The following PRUNE2 variants were observed in gnomAD, a reference collection of about 807,000 sequenced individuals.
The protein encoded by PRUNE2 is prune homolog 2 with BCH domain.
A neutral mutation model predicts 252.0 loss-of-function variants in PRUNE2; 164 were observed. The ratio of observed to expected loss-of-function variants is 0.65; its 90% CI spans 0.57 to 0.74. PRUNE2 has a LOEUF of 0.74. PRUNE2 is among the 30% of genes least tolerant of loss of function. The pLI is 0.00. For synonymous variants in PRUNE2, 1,292 were observed against 1,350.2 expected (o/e 0.96, Z 0.94); for missense variants, 3,495 against 3,711.0 (o/e 0.94, Z 1.51).
At chr9:76,628,637 G>A (rs974402413) in intron 16 of PRUNE2, among the ~76,000 whole-genome samples, 2 of 152,128 alleles carry the variant, frequency 1.3e-5, no homozygotes, top group African/African-American at 2.4e-5. Context: ...TTCCAAAGTG[G>A]TAGTAAAGTT....
chr9:76,849,373 G>T (rs949606466), intron 3 of PRUNE2, among the ~76,000 whole-genome samples: 1 of 152,106 alleles, frequency 6.6e-6, no homozygotes, highest in Admixed American at 6.5e-5. Flanking sequence ...GACCTTCATA[G>T]CCCATCTCTA....
chr9:76,808,930 A>G (rs2057165785), intron 6 of PRUNE2: 1 of 152,324 alleles, frequency 6.6e-6, no homozygotes. Context: ...GAAGGGACCC[A>G]AACACTAGGG....
intron 4 of PRUNE2, among the ~76,000 whole-genome samples, chr9:76,842,007 T>A (rs1337167560): frequency 6.6e-6 from 1 of 152,144 alleles, no homozygotes; most frequent in African/African-American, 2.4e-5. Flanking sequence ...AAATTTCATA[T>A]GGAACCAAAA....
intron 6 of PRUNE2, among the ~76,000 whole-genome samples, chr9:76,810,987 T>C (rs531942181): frequency 3.9e-5 from 6 of 152,244 alleles, no homozygotes; most frequent in African/African-American, 1.4e-4. Context: ...ACAGACAAAC[T>C]AATTTAAACC....
intron 6 of PRUNE2, among the ~76,000 whole-genome samples, chr9:76,771,716 G>A (rs1479255529): frequency 6.6e-6 from 1 of 152,150 alleles, no homozygotes; most frequent in African/African-American, 2.4e-5. Context: ...AAACCTAAAT[G>A]TCATTCTGAC....
At chr9:76,668,345 C>T (rs1248980359) in intron 9 of PRUNE2, among the ~76,000 whole-genome samples, 3 of 152,220 alleles carry the variant, frequency 2.0e-5, no homozygotes, top group African/African-American at 7.2e-5. Flanking sequence ...ATTTTCCCAA[C>T]TGTGCTATGC....
chr9:76,758,080 T>C (rs964432909), intron 6 of PRUNE2, among the ~76,000 whole-genome samples: 18 of 152,172 alleles, frequency 1.2e-4, no homozygotes, highest in African/African-American at 4.3e-4. Context: ...CAGGAGACTA[T>C]AACAAAATAG....
At chr9:76,672,142 T>C (rs1189899647) in intron 9 of PRUNE2, among the ~76,000 whole-genome samples, 1 of 151,258 alleles carries the variant, frequency 6.6e-6, no homozygotes, top group Admixed American at 6.6e-5. Flanking sequence ...ATCAGTGTGC[T>C]GTATTCAGGA....
intron 4 of PRUNE2, among the ~76,000 whole-genome samples, chr9:76,834,959 GCAGAATGA>G (rs2058874206): frequency 6.6e-6 from 1 of 152,104 alleles, no homozygotes. Flanking sequence ...AGCAAATTTT[GCAGAATGA>G]AAGAAATACT....
At chr9:76,769,704 C>T (rs1190665023) in intron 6 of PRUNE2, among the ~76,000 whole-genome samples, 1 of 152,138 alleles carries the variant, frequency 6.6e-6, no homozygotes, top group East Asian at 1.9e-4. Context: ...AGATTACAGG[C>T]GTGAAACACT....
intron 18 of PRUNE2, among the ~76,000 whole-genome samples, chr9:76,618,251 A>G (rs781020428): frequency 1.3e-5 from 2 of 152,206 alleles, no homozygotes; most frequent in Non-Finnish European, 2.9e-5. Context: ...TTGTGCCTAA[A>G]CTTCCTTTAA....
In PRUNE2 at chr9:76,706,915, T is replaced by C. The variant is rs1436438914; in HGVS notation, c.5359A>G (p.Arg1787Gly). Residue 1787 changes from arginine to glycine, a missense_variant, in exon 8 of 19, where the codon AGA becomes GGA. Physicochemically the swap from Arg to Gly is moderately radical, Grantham distance 125 (BLOSUM62 -2). Coordinates refer to ENST00000376718, the MANE Select transcript of PRUNE2 (RefSeq NM_015225.3). ...MQITAVEKEK[R>G]SSPETGTTGD... is the part of the protein sequence containing the mutation. ...GTTGTCCCTGTTTCTGGAGAAGATC[T>C]CTTCTCCTTCTCCACTGCTGTAATC... 1 of 1,604,664 alleles carries C rather than the reference T, an allele frequency of 6.2e-7. No homozygotes were observed. The highest frequency in any genetic ancestry group is 8.5e-7 in the Non-Finnish European group (1 of 1,174,988).
chr9:76,868,242 G>C (rs2060960633), intron 1 of PRUNE2, among the ~76,000 whole-genome samples: 1 of 152,166 alleles, frequency 6.6e-6, no homozygotes, highest in South Asian at 2.1e-4. Flanking sequence ...CAAAAATGGA[G>C]AAAAACATCC....
chr9:76,792,912 C>T lies in PRUNE2; in HGVS notation c.756+30720G>A, dbSNP rs184027602. 3.3e-5 allele frequency among the ~76,000 whole-genome samples: 5 copies of T among 152,292 alleles called. No homozygotes were observed. In the East Asian group the frequency reaches 7.7e-4, roughly 24 times the overall value. ...ATGCTAGTACAGTATTCATGATATGCTAGCAAGGTACTTCATTTTAATTAC... is the reference window on the plus strand; with the variant it reads ...ATGCTAGTACAGTATTCATGATATGTTAGCAAGGTACTTCATTTTAATTAC... On this transcript the variant is annotated intron_variant, in intron 6 of 18. Transcript: ENST00000376718.
At chr9:76,624,372 C>T in intron 17 of PRUNE2, 80 bp downstream of exon 17, 1 of 916,652 alleles carries the variant, frequency 1.1e-6, no homozygotes, top group Non-Finnish European at 1.5e-6. Flanking sequence ...AATAAAACAC[C>T]AGGCATGCAG....
chr9:76,784,310 T>C (rs1162978648), intron 6 of PRUNE2: 4 of 152,194 alleles, frequency 2.6e-5, no homozygotes, highest in African/African-American at 9.6e-5. Context: ...AAAGTGAGCA[T>C]TACCAATGAG....
At chr9:76,840,693 G>C (rs2059334164) in intron 4 of PRUNE2, among the ~76,000 whole-genome samples, 1 of 152,122 alleles carries the variant, frequency 6.6e-6, no homozygotes, top group South Asian at 2.1e-4. Context: ...ATAAAAATTT[G>C]TTCTAGGCTG....
At chr9:76,766,556 T>C (rs987168718) in intron 6 of PRUNE2, among the ~76,000 whole-genome samples, 3 of 152,208 alleles carry the variant, frequency 2.0e-5, no homozygotes, top group African/African-American at 4.8e-5. Flanking sequence ...TGTTCATGGA[T>C]AGTGCCTCTC....
intron 1 of PRUNE2, among the ~76,000 whole-genome samples, chr9:76,900,173 G>A (rs1178142135): frequency 6.6e-6 from 1 of 152,208 alleles, no homozygotes; most frequent in Non-Finnish European, 1.5e-5. Context: ...AAGAGGACGG[G>A]CTTGGAGGCA....
Sources: allele counts gnomAD v4.1 joint callset (sites outside exome capture counted in the v4.1 genomes callset), GRCh38; gene constraint gnomAD v4.1.1; transcripts MANE v1.5; gene names NCBI Gene and HGNC (gene_info 2026-07-23, HGNC 2026-07-21).